Variants in PHLDB2 observed in about 807,000 individuals in gnomAD.
PHLDB2 encodes pleckstrin homology like domain family B member 2, also known as pleckstrin homology-like domain family B member 2.
A neutral mutation model predicts 123.6 loss-of-function variants in PHLDB2; 71 were observed. That is an observed-to-expected ratio of 0.57 (90% CI 0.47 to 0.70). The LOEUF (loss-of-function observed/expected upper bound fraction) is 0.70. PHLDB2 is among the 30% of genes least tolerant of loss of function. The pLI, the probability that PHLDB2 is intolerant of heterozygous loss-of-function variation, is 0.00. For synonymous variants in PHLDB2, 547 were observed against 541.6 expected (o/e 1.01, Z -0.14); for missense variants, 1,446 against 1,519.5 (o/e 0.95, Z 0.80).
At chr3:111,755,115 T>G (rs1268756175) in intron 1 of PHLDB2, among the ~76,000 whole-genome samples, 1 of 151,016 alleles carries the variant, frequency 6.6e-6, no homozygotes, top group Non-Finnish European at 1.5e-5. Context: ...AAATTCTCTT[T>G]TTTGGTTGTG....
chr3:111,911,223 T>C (rs982134706), intron 2 of PHLDB2, among the ~76,000 whole-genome samples: 1 of 152,232 alleles, frequency 6.6e-6, no homozygotes, highest in African/African-American at 2.4e-5. Flanking sequence ...TAATTGGAAA[T>C]GGACAACTTT....
intron 1 of PHLDB2, among the ~76,000 whole-genome samples, chr3:111,793,914 C>G (rs1326202376): frequency 1.3e-5 from 2 of 151,106 alleles, no homozygotes; most frequent in African/African-American, 4.9e-5. Flanking sequence ...TCTTTAGTCT[C>G]CCCTATCCTT....
At chr3:111,850,620 T>C (rs776643206) in intron 2 of PHLDB2, among the ~76,000 whole-genome samples, 17 of 152,030 alleles carry the variant, frequency 1.1e-4, no homozygotes, top group Non-Finnish European at 1.5e-4. Context: ...TTTTAAAATC[T>C]GGGTGTGGTG....
At chr3:111,866,950 T>A (rs968755472) in intron 1 of PHLDB2, among the ~76,000 whole-genome samples, 2 of 151,396 alleles carry the variant, frequency 1.3e-5, no homozygotes, top group Admixed American at 1.3e-4. Flanking sequence ...TGTGTGTGTG[T>A]GTGTGTGTGT....
At chr3:111,772,964 T>C (rs544713164) in intron 1 of PHLDB2, among the ~76,000 whole-genome samples, 1 of 152,300 alleles carries the variant, frequency 6.6e-6, no homozygotes, top group East Asian at 1.9e-4. Flanking sequence ...TCCTCACCTA[T>C]CCATTTCCAC....
intron 1 of PHLDB2, among the ~76,000 whole-genome samples, chr3:111,841,509 A>G (rs1004143952): frequency 2.6e-5 from 4 of 152,212 alleles, no homozygotes; most frequent in Non-Finnish European, 2.9e-5. Flanking sequence ...GTGAATGAGT[A>G]TGGGCATTGT....
chr3:111,790,465 C>T (rs2108186899), intron 1 of PHLDB2, among the ~76,000 whole-genome samples: 1 of 152,302 alleles, frequency 6.6e-6, no homozygotes, highest in East Asian at 1.9e-4. Context: ...GTAGTCTCTT[C>T]ATACTCTCTT....
chr3:111,856,850 A>G (rs2064532859), upstream of PHLDB2, among the ~76,000 whole-genome samples: 1 of 152,238 alleles, frequency 6.6e-6, no homozygotes, highest in Non-Finnish European at 1.5e-5. Flanking sequence ...GGAGAGACAG[A>G]CAATAAACAT....
intron 1 of PHLDB2, among the ~76,000 whole-genome samples, chr3:111,737,912 T>C (rs915132763): frequency 2.6e-5 from 4 of 152,048 alleles, no homozygotes; most frequent in African/African-American, 7.2e-5. Flanking sequence ...TTTCACAAGG[T>C]AAACAGCTGA....
At chr3:111,838,893 A>AT (rs2063539675) in intron 1 of PHLDB2, among the ~76,000 whole-genome samples, 2 of 152,192 alleles carry the variant, frequency 1.3e-5, no homozygotes, top group South Asian at 2.1e-4. Context: ...AAATAAGACA[A>AT]TTTTTTTCTT....
chr3:111,746,157 T>G (rs1375714136), intron 1 of PHLDB2, among the ~76,000 whole-genome samples: 1 of 152,226 alleles, frequency 6.6e-6, no homozygotes, highest in Admixed American at 6.5e-5. Context: ...AATCAAGCAC[T>G]TTGGAGTTAT....
intron 1 of PHLDB2, among the ~76,000 whole-genome samples, chr3:111,781,101 T>C (rs1406252232): frequency 1.1e-5 from 1 of 94,306 alleles, no homozygotes; most frequent in Non-Finnish European, 2.2e-5. Context: ...CTAAAGTCAT[T>C]TTTTAGCTTT....
chr3:111,886,809 G>A (rs1233575869), intron 2 of PHLDB2, among the ~76,000 whole-genome samples: 7 of 152,114 alleles, frequency 4.6e-5, no homozygotes, highest in Admixed American at 3.3e-4. Context: ...AATAATCTCT[G>A]CAGACTGTTC....
chr3:111,910,658 G>A (rs60821969), intron 2 of PHLDB2, among the ~76,000 whole-genome samples: 49,054 of 152,008 alleles, frequency 0.32, 8,355 homozygotes, highest in East Asian at 0.64. Context: ...GGTCATGCAG[G>A]TTGCAGGCTA....
rs529097117 is a variant in PHLDB2 at position 111,944,408 on chromosome 3, G to A, written c.2398-860G>A. The stretch of plus-strand genomic sequence containing the variant: ...TTAAAAATATTTTAGCCCCAGCCAT[G>A]GCAAGGACACATATACAAATTATAG... On this transcript the variant is annotated intron_variant, in intron 8 of 17. Transcript: ENST00000431670. 3.9e-4 allele frequency among the ~76,000 whole-genome samples: 59 copies of A among 151,816 alleles called. 1 individual carries two copies. In the South Asian group the frequency reaches 0.011, roughly 28 times the overall value.
chr3:111,758,640 A>G (rs1011594603), intron 1 of PHLDB2, among the ~76,000 whole-genome samples: 6 of 152,146 alleles, frequency 3.9e-5, no homozygotes, highest in Non-Finnish European at 7.4e-5. Context: ...GGCACTCCCT[A>G]GTGAGATGAA....
chr3:111,804,804 G>A (rs554761526), intron 1 of PHLDB2, among the ~76,000 whole-genome samples: 86 of 152,248 alleles, frequency 5.6e-4, no homozygotes, highest in Non-Finnish European at 9.4e-4. Context: ...TTTGCACACA[G>A]GGCTTCTAAA....
intron 1 of PHLDB2, among the ~76,000 whole-genome samples, chr3:111,807,348 A>G (rs1162396181): frequency 6.6e-6 from 1 of 152,236 alleles, no homozygotes; most frequent in Non-Finnish European, 1.5e-5. Flanking sequence ...GACAAAGAAC[A>G]TAAAGAGGGA....
At chr3:111,960,548 C>G (rs1482423705) in intron 12 of PHLDB2, among the ~76,000 whole-genome samples, 1 of 152,168 alleles carries the variant, frequency 6.6e-6, no homozygotes, top group East Asian at 1.9e-4. Flanking sequence ...ACATACAATG[C>G]TTTGTTAAGG....
Sources: gnomAD v4.1 joint callset for allele counts (sites outside exome capture counted in the v4.1 genomes callset) on GRCh38, gnomAD v4.1.1 for gene constraint, MANE v1.5 for transcripts, NCBI Gene and HGNC (gene_info 2026-07-23, HGNC 2026-07-21) for gene names.